APC: variants seen among roughly 807,000 people sequenced by gnomAD.
The protein encoded by APC is APC regulator of Wnt signaling pathway.
In APC, 72 loss-of-function variants were observed where a neutral mutation model predicts 247.0. The observed-to-expected ratio is 0.29, with a 90% CI of 0.24 to 0.35. The LOEUF (loss-of-function observed/expected upper bound fraction) is 0.35, where lower values mean the gene tolerates loss of function less well. Ranked by LOEUF, APC falls within the 10% of genes least tolerant of loss-of-function variation. The pLI is 1.00. For synonymous variants in APC, 1,254 were observed against 1,162.5 expected, an observed-to-expected ratio of 1.08 and a Z score of -1.60; for missense variants, 3,400 against 3,360.7, an observed-to-expected ratio of 1.01 and a Z score of -0.29.
chr5:112,777,320 A>G (rs1757767669), intron 5 of APC, among the ~76,000 whole-genome samples: 1 of 152,166 alleles, frequency 6.6e-6, no homozygotes, highest in Non-Finnish European at 1.5e-5. Flanking sequence ...AATGGTCCTT[A>G]GGCATATGAG....
chr5:112,833,004 C>T (rs1397124474), intron 14 of APC, among the ~76,000 whole-genome samples: 1 of 149,552 alleles, frequency 6.7e-6, no homozygotes, highest in Non-Finnish European at 1.5e-5. Flanking sequence ...ATTGACATCA[C>T]CATCATGCCA....
chr5:112,830,209 T>C (rs1279313188), intron 14 of APC, among the ~76,000 whole-genome samples: 1 of 152,180 alleles, frequency 6.6e-6, no homozygotes, highest in African/African-American at 2.4e-5. Context: ...ATAAAGATAA[T>C]ATTCAAATAT....
At chr5:112,790,125 G>T (rs1374789924) in intron 6 of APC, among the ~76,000 whole-genome samples, 1 of 152,160 alleles carries the variant, frequency 6.6e-6, no homozygotes, top group Non-Finnish European at 1.5e-5. Flanking sequence ...CTCCCAGTGT[G>T]CCGGGATTAC....
chr5:112,803,710 A>C (rs1194476129), intron 8 of APC, among the ~76,000 whole-genome samples: 3 of 152,198 alleles, frequency 2.0e-5, no homozygotes, highest in Non-Finnish European at 4.4e-5. Flanking sequence ...TAGAATTGAT[A>C]ATTGAAAAGG....
chr5:112,750,896 T>G (rs1754284878), intron 1 of APC, among the ~76,000 whole-genome samples: 1 of 152,204 alleles, frequency 6.6e-6, no homozygotes, highest in African/African-American at 2.4e-5. Flanking sequence ...TAGTGTGTTG[T>G]ATGAGGAATA....
In APC at chr5:112,791,174, C is replaced by G. The variant is rs557087299; in HGVS notation, c.646-1272C>G. The stretch of plus-strand genomic sequence containing the variant: ...CTTAAAAAACACACACACACACACA[C>G]AATATATTCCCCACATTGTTTCCAT... On this transcript the variant is annotated intron_variant, in intron 6 of 15. Coordinates refer to ENST00000257430, the MANE Select transcript of APC (RefSeq NM_000038.6). Among the ~76,000 whole-genome samples the G allele has an allele frequency of 3.3e-5, 5 of 152,254 alleles. 1 individual carries two copies. The South Asian group carries it at 1.0e-3, about 32-fold the overall frequency.
chr5:112,811,482 C>G (rs1437204257), intron 8 of APC, among the ~76,000 whole-genome samples: 1 of 152,156 alleles, frequency 6.6e-6, no homozygotes, highest in African/African-American at 2.4e-5. Flanking sequence ...TCTCATGGAC[C>G]AAGTTCTAGG....
At chr5:112,714,171 G>A (rs561492918) in intron 1 of APC, among the ~76,000 whole-genome samples, 2 of 152,296 alleles carry the variant, frequency 1.3e-5, no homozygotes, top group South Asian at 4.1e-4. Flanking sequence ...TTGGGGATGG[G>A]AGATGTTTGG....
chr5:112,810,912 C>T (rs1580492543), intron 8 of APC, among the ~76,000 whole-genome samples: 1 of 152,146 alleles, frequency 6.6e-6, no homozygotes, highest in East Asian at 1.9e-4. Flanking sequence ...GTAATCCCAG[C>T]TACTCTGGAG....
intron 4 of APC, among the ~76,000 whole-genome samples, chr5:112,775,027 T>A (rs1167505121): frequency 6.6e-6 from 1 of 152,222 alleles, no homozygotes; most frequent in East Asian, 1.9e-4. Flanking sequence ...ACTGTGCATT[T>A]ATGTTTATAA....
At position 112,837,809 on chromosome 5, in the gene APC, G is replaced by A. The variant is rs2149863486; in HGVS notation, c.2215G>A (p.Asp739Asn). The change falls in exon 16 of 16, where the codon GAT becomes AAT. Residue 739 changes from aspartate to asparagine, a missense_variant. Physicochemically the swap from Asp to Asn is conservative, Grantham distance 23. Transcript: ENST00000257430. ...GGCAAATAGGCCTGCGAAGTACAAG[G>A]ATGCCAATATTATGTCTCCTGGCTC... The part of the protein sequence containing the change: ...LMANRPAKYK[D>N]ANIMSPGSSL... 6.2e-7 allele frequency: 1 copy of A among 1,613,966 alleles called. No homozygotes were observed. The highest frequency in any genetic ancestry group is 1.1e-5 in the South Asian group (1 of 91,072).
chr5:112,807,712 A>G (rs1395327640), intron 8 of APC, among the ~76,000 whole-genome samples: 1 of 152,204 alleles, frequency 6.6e-6, no homozygotes, highest in African/African-American at 2.4e-5. Context: ...AATTTTAAAC[A>G]TTTACAAAGA....
At chr5:112,765,097 G>C (rs776869042) in intron 2 of APC, among the ~76,000 whole-genome samples, 1 of 151,952 alleles carries the variant, frequency 6.6e-6, no homozygotes, top group Non-Finnish European at 1.5e-5. Context: ...TGGGGTTTGG[G>C]GGCGATTTCT....
chr5:112,782,245 G>A (rs957362892), intron 6 of APC, among the ~76,000 whole-genome samples: 1 of 152,052 alleles, frequency 6.6e-6, no homozygotes, highest in Non-Finnish European at 1.5e-5. Flanking sequence ...ATCAGATCTC[G>A]TGAGAATTAT....
At chr5:112,746,158 A>C (rs1753651676) in intron 1 of APC, among the ~76,000 whole-genome samples, 1 of 152,188 alleles carries the variant, frequency 6.6e-6, no homozygotes, top group African/African-American at 2.4e-5. Context: ...TTTACTAGTG[A>C]ACTATTAATG....
intron 2 of APC, among the ~76,000 whole-genome samples, chr5:112,762,392 A>G (rs1199585926): frequency 6.6e-6 from 1 of 152,226 alleles, no homozygotes; most frequent in Non-Finnish European, 1.5e-5. Flanking sequence ...AAGAATGTTC[A>G]TAGTGACATT....
At chr5:112,745,713 G>C (rs1055014059) in intron 1 of APC, among the ~76,000 whole-genome samples, 3 of 151,742 alleles carry the variant, frequency 2.0e-5, no homozygotes, top group African/African-American at 7.3e-5. Context: ...GACTACAGGC[G>C]GGTGCCACCA....
At chr5:112,769,019 T>TAGTAAAA (rs752895155) in intron 4 of APC, among the ~76,000 whole-genome samples, 33 of 151,648 alleles carry the variant, frequency 2.2e-4, no homozygotes, top group Non-Finnish European at 4.6e-4. Flanking sequence ...TTACTTCTGT[T>TAGTAAAA]AGTAAAAAGT....
At chr5:112,775,973 A>G (rs1757601656) in intron 5 of APC, among the ~76,000 whole-genome samples, 2 of 152,328 alleles carry the variant, frequency 1.3e-5, no homozygotes, top group African/African-American at 2.4e-5. Context: ...GAAAATCTAT[A>G]AAGTTTGAAT....
Sources: gnomAD v4.1 joint callset for allele counts (sites outside exome capture counted in the v4.1 genomes callset) on GRCh38, gnomAD v4.1.1 for gene constraint, MANE v1.5 for transcripts, NCBI Gene and HGNC (gene_info 2026-07-23, HGNC 2026-07-21) for gene names.